The following EDEM1 variants were observed in gnomAD, a reference collection of about 807,000 sequenced individuals.
EDEM1 encodes the protein ER degradation-enhancing alpha-mannosidase-like protein 1.
A neutral mutation model predicts 74.4 loss-of-function variants in EDEM1; 67 were observed. That is an observed-to-expected ratio of 0.90 (90% CI 0.74 to 1.10). EDEM1 has a LOEUF of 1.10. Ranked by LOEUF, EDEM1 falls within the 50% of genes least tolerant of loss-of-function variation. EDEM1 has a pLI of 0.00. For synonymous variants in EDEM1, 382 were observed against 335.9 expected (o/e 1.14, Z -1.50); for missense variants, 926 against 851.6 (o/e 1.09, Z -1.09).
chr3:5,205,322 A>G (rs888351926), intron 6 of EDEM1, 81 bp downstream of exon 6: 3 of 1,401,268 alleles, frequency 2.1e-6, no homozygotes, highest in Non-Finnish European at 1.9e-6. Context: ...TTTTTAACAC[A>G]CAATCACAGG....
At chr3:5,208,358 A>T in intron 8 of EDEM1, 95 bp downstream of exon 8, 4 of 1,438,604 alleles carry the variant, frequency 2.8e-6, no homozygotes, top group Middle Eastern at 1.8e-4. Flanking sequence ...ATTTAGGGTT[A>T]TGTTGTTTCA....
intron 5 of EDEM1, among the ~76,000 whole-genome samples, chr3:5,204,592 ATGT>A (rs2055073186): frequency 1.3e-5 from 2 of 152,048 alleles, no homozygotes; most frequent in Non-Finnish European, 2.9e-5. Flanking sequence ...GAGTTTCACC[ATGT>A]TGCCCAGGCT....
chr3:5,218,008 T>C lies in EDEM1; in HGVS notation c.*2090T>C, dbSNP rs1390176959. 1.3e-5 allele frequency: 2 copies of C among 152,266 alleles called. No individual in the cohort carries two copies. The highest frequency in any genetic ancestry group is 2.9e-5 in the Non-Finnish European group (2 of 68,068). 9.4% of individuals were successfully genotyped at this position (152,266 alleles called of 1,614,324 possible). On this transcript the variant is annotated 3_prime_UTR_variant, in exon 12 of 12. Coordinates refer to ENST00000256497, the MANE Select transcript of EDEM1 (RefSeq NM_014674.3). Reference sequence around the variant, plus strand: ...GGTAAGCACTCCAGTGTTCTCTTAATGAGGCACTTTGCCTGTCACTCGAGC... The same window carrying C: ...GGTAAGCACTCCAGTGTTCTCTTAACGAGGCACTTTGCCTGTCACTCGAGC...
intron 1 of EDEM1, among the ~76,000 whole-genome samples, chr3:5,188,966 C>T (rs765135425): frequency 6.6e-5 from 10 of 152,136 alleles, no homozygotes; most frequent in Non-Finnish European, 1.0e-4. Context: ...CACTGGATGC[C>T]AGATTGACTG....
chr3:5,194,228 T>G (rs2054935809), intron 1 of EDEM1, among the ~76,000 whole-genome samples: 1 of 152,224 alleles, frequency 6.6e-6, no homozygotes, highest in Non-Finnish European at 1.5e-5. Flanking sequence ...CTTTTTTGCT[T>G]TGGTTGCTAA....
chr3:5,190,002 G>GGGT (rs2054882072), intron 1 of EDEM1, among the ~76,000 whole-genome samples: 6 of 150,830 alleles, frequency 4.0e-5, no homozygotes, highest in East Asian at 1.9e-4. Context: ...TTTTTTTTGG[G>GGGT]GGGGGGGATA....
At chr3:5,213,214 A>T in intron 10 of EDEM1, 105 bp from the exon 11 acceptor site, 1 of 1,123,172 alleles carries the variant, frequency 8.9e-7, no homozygotes, top group East Asian at 2.6e-5. Flanking sequence ...GAGAAGCATG[A>T]GGCCCAAGCA....
Position 5,187,897 on chromosome 3 carries a change from T to A in EDEM1, c.92T>A (p.Met31Lys). 1 of 1,600,448 alleles carries A rather than the reference T, an allele frequency of 6.2e-7. No homozygotes were observed. Among genetic ancestry groups the A allele is most frequent in the Non-Finnish European group, 8.5e-7 (1 of 1,175,618 alleles). Residue 31 changes from methionine to lysine, a missense_variant, in exon 1 of 12, where the codon ATG becomes AAG. Physicochemically the swap from Met to Lys is moderately conservative, Grantham distance 95. Transcript: ENST00000256497. ...LWLVFGLGPS[M>K]GFYQRFPLSF... The stretch of plus-strand genomic sequence containing the variant: ...CTCGTCTTCGGGCTGGGGCCCAGCA[T>A]GGGCTTCTACCAGCGCTTTCCGCTC...
At chr3:5,205,639 G>A (rs752983934) in intron 6 of EDEM1, among the ~76,000 whole-genome samples, 5 of 152,232 alleles carry the variant, frequency 3.3e-5, no homozygotes, top group African/African-American at 4.8e-5. Context: ...GCAGTCTTCA[G>A]TTCCTCTTTG....
chr3:5,199,742 G>T lies in EDEM1; in HGVS notation c.686+47G>T, dbSNP rs761334877. 1.8e-5 allele frequency: 28 copies of T among 1,529,248 alleles called. No homozygotes were observed. The Middle Eastern group carries it at 6.9e-4, about 38-fold the overall frequency. 94.7% of individuals were successfully genotyped at this position (1,529,248 alleles called of 1,614,324 possible). On this transcript the variant is annotated intron_variant, in intron 3 of 11. Coordinates refer to ENST00000256497, the MANE Select transcript of EDEM1 (RefSeq NM_014674.3). Reference sequence around the variant, plus strand: ...AAATGAATTGGAGACTTCTTTTTATGTGTTTAAAGAAAAAAATACCTTTGA... The same window carrying T: ...AAATGAATTGGAGACTTCTTTTTATTTGTTTAAAGAAAAAAATACCTTTGA...
chr3:5,217,609 A>C lies in EDEM1; in HGVS notation c.*1691A>C, dbSNP rs192187354. 3.0e-4 allele frequency: 46 copies of C among 152,720 alleles called. No individual in the cohort carries two copies. The highest frequency in any genetic ancestry group is 1.2e-3 in the Admixed American group (18 of 15,294). The allele number at this position is 152,720 out of a possible 1,614,324, so 9.5% of individuals were successfully genotyped here. On this transcript the variant is annotated 3_prime_UTR_variant, in exon 12 of 12. Transcript: ENST00000256497. Reference sequence around the variant, plus strand: ...TTTCAGTAATAAACGTGCCATCTCTATCTCTTAAACATTTATTACAACAAT... The same window carrying C: ...TTTCAGTAATAAACGTGCCATCTCTCTCTCTTAAACATTTATTACAACAAT...
rs139745426 is a variant in EDEM1, at chr3:5,216,224, A to G, written c.*306A>G. 1.3e-3 allele frequency: 459 copies of G among 344,634 alleles called. 2 individuals carry two copies. The highest frequency in any genetic ancestry group is 5.4e-3 in the East Asian group (93 of 17,258). 21.3% of individuals were successfully genotyped at this position (344,634 alleles called of 1,614,324 possible). A position where few individuals can be genotyped will look rare whatever the true frequency, so the allele number is the denominator to read the frequency against. On this transcript the variant is annotated 3_prime_UTR_variant, in exon 12 of 12. Transcript: ENST00000256497. Reference sequence around the variant, plus strand: ...TCTTTGGATTGATGTTCACAGCTTTATACTTCAGAACCTAAGTCTCTTCAC... The same window carrying G: ...TCTTTGGATTGATGTTCACAGCTTTGTACTTCAGAACCTAAGTCTCTTCAC...
In EDEM1 at chr3:5,213,380, G is replaced by A. The variant is rs2055191030; in HGVS notation, c.1742G>A (p.Gly581Glu). ...SGTRYMFTTE[G>E]HIVSVDEHLR... ...ACCAGATACATGTTCACAACAGAGG[G>A]ACACATTGTATCTGTGGATGAGCAT... Residue 581 changes from glycine to glutamate, a missense_variant, in exon 11 of 12, where the codon GGA (glycine) becomes GAA (glutamate). Transcript: ENST00000256497. The A allele has an allele frequency of 1.9e-6, 3 of 1,614,006 alleles. No individual in the cohort carries two copies. Among genetic ancestry groups the A allele is most frequent in the Non-Finnish European group, 2.5e-6 (3 of 1,180,018 alleles).
Position 5,218,874 on chromosome 3 carries a change from T to G in EDEM1, c.*2956T>G, listed in dbSNP as rs1057266848. 5 of 152,152 alleles carry G rather than the reference T, an allele frequency of 3.3e-5. No individual in the cohort carries two copies. Among genetic ancestry groups the G allele is most frequent in the African/African-American group, 1.2e-4 (5 of 41,416 alleles). The allele number at this position is 152,152 out of a possible 1,614,324, so 9.4% of individuals were successfully genotyped here. A position where few individuals can be genotyped will look rare whatever the true frequency, so the allele number is the denominator to read the frequency against. ...TTTTAAATTTTTTTTTTGGCAGCGCTTGTGCTGGAACTTACTCATTGTAAC... is the reference window on the plus strand; with the variant it reads ...TTTTAAATTTTTTTTTTGGCAGCGCGTGTGCTGGAACTTACTCATTGTAAC... On this transcript the variant is annotated 3_prime_UTR_variant, in exon 12 of 12. Transcript: ENST00000256497.
At position 5,188,126 on chromosome 3, in the gene EDEM1, G is replaced by A; in HGVS notation, c.321G>A (p.Arg107=). 7 of 1,527,136 alleles carry A rather than the reference G, an allele frequency of 4.6e-6. No individual in the cohort carries two copies. Among genetic ancestry groups the A allele is most frequent in the Non-Finnish European group, 6.2e-6 (7 of 1,136,858 alleles). 94.6% of individuals were successfully genotyped at this position (1,527,136 alleles called of 1,614,324 possible). The stretch of plus-strand genomic sequence containing the variant: ...ACTGGGGCTACGTGCTGGGCGGCCG[G>A]GGCCGCGGCCCGGACGAGTACGAGA... The part of the protein sequence containing the change: ...PANWGYVLGG[R]GRGPDEYEKR... Residue 107 remains arginine (R), a synonymous_variant, in exon 1 of 12, where the codon CGG becomes CGA. Transcript: ENST00000256497.
intron 2 of EDEM1, among the ~76,000 whole-genome samples, 194 bp downstream of exon 2, chr3:5,195,475 G>A (rs2054953995): frequency 6.6e-6 from 1 of 152,090 alleles, no homozygotes; most frequent in East Asian, 1.9e-4. Flanking sequence ...GAGGGGAAAT[G>A]TGATTCCATT....
At chr3:5,214,538 G>T (rs2055207571) in intron 11 of EDEM1, among the ~76,000 whole-genome samples, 1 of 152,172 alleles carries the variant, frequency 6.6e-6, no homozygotes, top group Non-Finnish European at 1.5e-5. Context: ...GGTGAGAGGG[G>T]GAAGAGTTAA....
chr3:5,206,899 C>T (rs1279623215), intron 6 of EDEM1, among the ~76,000 whole-genome samples: 1 of 152,204 alleles, frequency 6.6e-6, no homozygotes, highest in Non-Finnish European at 1.5e-5. Flanking sequence ...AAAGTGCTTT[C>T]TGCAGAATAC....
chr3:5,198,467 G>A (rs2054996194), intron 2 of EDEM1, among the ~76,000 whole-genome samples: 2 of 152,168 alleles, frequency 1.3e-5, no homozygotes, highest in African/African-American at 4.8e-5. Context: ...AAACAGTAGG[G>A]CAGAGGAAGC....
Sources: allele counts gnomAD v4.1 joint callset (sites outside exome capture counted in the v4.1 genomes callset), GRCh38; gene constraint gnomAD v4.1.1; transcripts MANE v1.5; gene names NCBI Gene and HGNC (gene_info 2026-07-23, HGNC 2026-07-21).